The following SLC13A3 variants were observed in gnomAD, a reference collection of about 807,000 sequenced individuals.
SLC13A3 encodes solute carrier family 13 member 3.
Under a neutral mutation model 59.0 loss-of-function variants are expected in SLC13A3, and 40 were observed. The observed-to-expected ratio is 0.68, with a 90% CI of 0.53 to 0.88. The LOEUF (loss-of-function observed/expected upper bound fraction) is 0.88, where lower values mean the gene tolerates loss of function less well. SLC13A3 is among the 40% of genes least tolerant of loss of function. The pLI, the probability that SLC13A3 is intolerant of heterozygous loss-of-function variation, is 0.00. For synonymous variants in SLC13A3, 317 were observed against 330.3 expected (o/e 0.96, Z 0.44); for missense variants, 699 against 783.2 (o/e 0.89, Z 1.28).
intron 2 of SLC13A3, among the ~76,000 whole-genome samples, chr20:46,612,332 C>A (rs2062507726): frequency 6.6e-6 from 1 of 151,972 alleles, no homozygotes; most frequent in African/African-American, 2.4e-5. Flanking sequence ...AGGGGTTTTA[C>A]CATGTTAGCC....
chr20:46,581,392 G>T (rs2146109525), intron 9 of SLC13A3, among the ~76,000 whole-genome samples: 1 of 152,306 alleles, frequency 6.6e-6, no homozygotes, highest in Admixed American at 6.5e-5. Flanking sequence ...GAACAAGCTG[G>T]ACCAACCCGA....
intron 2 of SLC13A3, among the ~76,000 whole-genome samples, chr20:46,611,367 C>A (rs2062491857): frequency 6.6e-6 from 1 of 152,118 alleles, no homozygotes; most frequent in South Asian, 2.1e-4. Context: ...AATGTGACCT[C>A]CTCCAGGAAG....
chr20:46,652,547 ATTTTTTT>A (rs11471373), upstream of SLC13A3, among the ~76,000 whole-genome samples: 1 of 117,794 alleles, frequency 8.5e-6, no homozygotes, highest in African/African-American at 3.1e-5. Context: ...TATCTGGCTA[ATTTTTTT>A]TTTTTTTTTT....
chr20:46,575,804 G>T (rs2062070601), intron 9 of SLC13A3, 119 bp from the exon 10 acceptor site: 3 of 525,382 alleles, frequency 5.7e-6, no homozygotes, highest in Non-Finnish European at 6.8e-6. Context: ...CCAAAGTGTG[G>T]ATCCAGCATT....
intron 1 of SLC13A3, among the ~76,000 whole-genome samples, chr20:46,657,143 A>AG (rs2062999660): frequency 6.6e-6 from 1 of 152,068 alleles, no homozygotes. Flanking sequence ...TTTGAGAAAA[A>AG]GTTTGAAAAA....
At chr20:46,574,307 G>C (rs2062053815) in intron 10 of SLC13A3, among the ~76,000 whole-genome samples, 1 of 152,176 alleles carries the variant, frequency 6.6e-6, no homozygotes, top group African/African-American at 2.4e-5. Context: ...GAATTTAAGA[G>C]AGTTGCTTAA....
intron 9 of SLC13A3, chr20:46,583,007 A>G: frequency 1.0e-6 from 1 of 986,114 alleles, no homozygotes; most frequent in Non-Finnish European, 1.2e-6. Flanking sequence ...TATACGGTTG[A>G]AACCCAGCTT....
chr20:46,568,024 T>TTA (rs1215455239), intron 10 of SLC13A3, among the ~76,000 whole-genome samples: 1 of 152,068 alleles, frequency 6.6e-6, no homozygotes, highest in South Asian at 2.1e-4. Flanking sequence ...CAAAGACACT[T>TTA]TATATATATA....
chr20:46,679,119 C>T (rs1361801885), intron 1 of SLC13A3, among the ~76,000 whole-genome samples: 1 of 152,208 alleles, frequency 6.6e-6, no homozygotes, highest in Non-Finnish European at 1.5e-5. Flanking sequence ...CTATAAATTA[C>T]CCAGCCTCAG....
intron 1 of SLC13A3, among the ~76,000 whole-genome samples, chr20:46,648,039 C>T (rs2062911897): frequency 6.6e-6 from 1 of 152,138 alleles, no homozygotes; most frequent in Non-Finnish European, 1.5e-5. Flanking sequence ...GCTGAGGACG[C>T]CTGTCTTGAA....
chr20:46,561,280 T>C (rs2061928356), intron 12 of SLC13A3, among the ~76,000 whole-genome samples: 1 of 152,206 alleles, frequency 6.6e-6, no homozygotes, highest in African/African-American at 2.4e-5. Flanking sequence ...CTCCCTAAAA[T>C]GTATAAAATC....
intron 8 of SLC13A3, 74 bp downstream of exon 8, chr20:46,587,985 C>T (rs2062211364): frequency 2.7e-6 from 2 of 745,076 alleles, no homozygotes; most frequent in Admixed American, 5.9e-5. Context: ...TGCACTGCCG[C>T]CTCTCCAGCT....
chr20:46,615,679 G>A (rs144135108), intron 1 of SLC13A3, among the ~76,000 whole-genome samples: 2 of 152,226 alleles, frequency 1.3e-5, no homozygotes, highest in East Asian at 1.9e-4. Context: ...ACTGAGATGG[G>A]GGAGACACAC....
intron 9 of SLC13A3, 162 bp downstream of exon 9, chr20:46,583,410 G>C (rs1373571941): frequency 7.1e-7 from 1 of 1,418,136 alleles, no homozygotes; most frequent in African/African-American, 1.4e-5. Flanking sequence ...TACCACCTGG[G>C]GCAGCCCTCA....
intron 1 of SLC13A3, among the ~76,000 whole-genome samples, chr20:46,647,714 G>A (rs1372024085): frequency 1.3e-5 from 2 of 152,072 alleles, no homozygotes; most frequent in South Asian, 2.1e-4. Flanking sequence ...CAGCCTCCCC[G>A]AAGACAAGCT....
At chr20:46,638,783 G>T (rs1219027506) in intron 1 of SLC13A3, among the ~76,000 whole-genome samples, 1 of 152,156 alleles carries the variant, frequency 6.6e-6, no homozygotes, top group Non-Finnish European at 1.5e-5. Context: ...CTCAGCCTTG[G>T]CACCGCGGAC....
rs188079387 is a variant in SLC13A3 at position 46,588,041 on chromosome 20, G to A, written c.1121+18C>T. On this transcript the variant is annotated intron_variant, in intron 8 of 12. Transcript: ENST00000279027. ...TCCTCCCTGTTGGACTCCTCCCTGT[G>A]GGTCCCCAGAGTCTCACCCAGGATT... The A allele has an allele frequency of 7.1e-4, 1,075 of 1,514,974 alleles. 2 individuals carry two copies. In the African/African-American group the frequency reaches 0.011, roughly 16 times the overall value. The allele number at this position is 1,514,974 out of a possible 1,614,324, so 93.8% of individuals were successfully genotyped here.
At chr20:46,583,545 C>A (rs1295275063) in intron 9 of SLC13A3, 27 bp downstream of exon 9, 4 of 1,611,888 alleles carry the variant, frequency 2.5e-6, no homozygotes, top group Non-Finnish European at 3.4e-6. Flanking sequence ...ACTGAGCCCA[C>A]CGAGACCCCA....
chr20:46,608,989 C>T (rs1030235122), intron 3 of SLC13A3: 6 of 1,550,520 alleles, frequency 3.9e-6, no homozygotes, highest in Non-Finnish European at 4.4e-6. Flanking sequence ...GTTATCTGAC[C>T]AAGTCTTATC....
Sources: allele counts gnomAD v4.1 joint callset (sites outside exome capture counted in the v4.1 genomes callset), GRCh38; gene constraint gnomAD v4.1.1; transcripts MANE v1.5; gene names NCBI Gene and HGNC (gene_info 2026-07-23, HGNC 2026-07-21).